RFC4: variants seen among roughly 807,000 people sequenced by gnomAD.
RFC4 encodes replication factor C subunit 4, also known as A1 37 kDa subunit.
Under a neutral mutation model 47.6 loss-of-function variants are expected in RFC4, and 38 were observed. The ratio of observed to expected loss-of-function variants is 0.80; its 90% CI spans 0.62 to 1.05. The LOEUF is 1.05. Ranked by LOEUF, RFC4 falls within the 50% of genes least tolerant of loss-of-function variation. RFC4 has a pLI of 0.00. For missense variants in RFC4, 489 were observed against 434.0 expected (o/e 1.13, Z -1.13); for synonymous variants, 164 against 150.0 (o/e 1.09, Z -0.68).
At position 186,790,123 on chromosome 3, in the gene RFC4, G is replaced by GTGCA. The variant is rs1560088907; in HGVS notation, c.996+15_996+18dup. ...AGGTAGTTAAATGTTCCATTGACAT[G>GTGCA]TGCAAAGTACCTACTTACGGCAAGT... On this transcript the variant is annotated intron_variant, in intron 10 of 10. Transcript: ENST00000296273. 1 of 1,603,150 alleles carries GTGCA rather than the reference G, an allele frequency of 6.2e-7. No homozygotes were observed. The highest frequency in any genetic ancestry group is 1.7e-5 in the Admixed American group (1 of 59,946).
rs756885229 is a variant in RFC4, at chr3:186,789,935, T to C, written c.*34A>G. ...CATTTTATTTTTATTACAACTTCATTATTTACAAAACCCCCCATCCAGATA... is the reference window on the plus strand; with the variant it reads ...CATTTTATTTTTATTACAACTTCATCATTTACAAAACCCCCCATCCAGATA... On this transcript the variant is annotated 3_prime_UTR_variant, in exon 11 of 11. Transcript: ENST00000296273. 3 of 1,313,802 alleles carry C rather than the reference T, an allele frequency of 2.3e-6. No individual in the cohort carries two copies. The highest frequency in any genetic ancestry group is 1.5e-5 in the African/African-American group (1 of 68,378). The allele number at this position is 1,313,802 out of a possible 1,614,324, so 81.4% of individuals were successfully genotyped here.
At position 186,806,447 on chromosome 3, in the gene RFC4, G is replaced by A. The variant is rs1460967400; in HGVS notation, c.-169C>T. ...TACGATCACTGATGTCCCCACAGTC[G>A]CCTCAGTTCCCGCCACGGAACGGCG... On this transcript the variant is annotated 5_prime_UTR_variant, in exon 1 of 11. Coordinates refer to ENST00000296273, the MANE Select transcript of RFC4 (RefSeq NM_002916.5). The A allele has an allele frequency of 6.6e-6, 1 of 152,242 alleles. No individual in the cohort carries two copies. The highest frequency in any genetic ancestry group is 2.4e-5 in the African/African-American group (1 of 41,464). The allele number at this position is 152,242 out of a possible 1,614,324, so 9.4% of individuals were successfully genotyped here.
At chr3:186,792,267 G>A (rs1427668089) in intron 7 of RFC4, among the ~76,000 whole-genome samples, 1 of 152,130 alleles carries the variant, frequency 6.6e-6, no homozygotes, top group Admixed American at 6.5e-5. Flanking sequence ...ATCCACCTCA[G>A]TTTCGGGTCT....
intron 3 of RFC4, among the ~76,000 whole-genome samples, 189 bp downstream of exon 3, chr3:186,800,928 C>T (rs1436695324): frequency 6.6e-6 from 1 of 152,010 alleles, no homozygotes; most frequent in Non-Finnish European, 1.5e-5. Flanking sequence ...GGTAACACTG[C>T]TATGTAAGAT....
intron 9 of RFC4, 30 bp from the exon 10 acceptor site, chr3:186,790,285 A>T: frequency 6.2e-7 from 1 of 1,611,078 alleles, no homozygotes; most frequent in Non-Finnish European, 8.5e-7. Context: ...TGGTATGATG[A>T]CTTAATATTC....
chr3:186,795,590 C>T (rs888272924), intron 4 of RFC4, among the ~76,000 whole-genome samples: 4 of 152,208 alleles, frequency 2.6e-5, no homozygotes, highest in East Asian at 3.9e-4. Context: ...GTCAGGAGTT[C>T]GAGACCAGCC....
In RFC4 at chr3:186,792,896, A is replaced by G; in HGVS notation, c.462T>C (p.Ser154=). The part of the protein sequence containing the change: ...FKIVILDEAD[S]MTSAAQAALR... ...AAGCTGCCTGAGCAGCTGAGGTCAT[A>G]GAATCTGCTTCATCCAGAATCACAA... is the stretch of plus-strand genomic sequence containing the variant. Residue 154 remains serine, a synonymous_variant, in exon 6 of 11, where the codon TCT becomes TCC. Transcript: ENST00000296273. The G allele has an allele frequency of 6.2e-7, 1 of 1,613,992 alleles. No individual in the cohort carries two copies. The highest frequency in any genetic ancestry group is 8.5e-7 in the Non-Finnish European group (1 of 1,179,894).
chr3:186,790,288 TA>T (rs766203383), intron 9 of RFC4, 33 bp from the exon 10 acceptor site: 1 of 1,610,352 alleles, frequency 6.2e-7, no homozygotes, highest in African/African-American at 1.3e-5. Flanking sequence ...TATGATGACT[TA>T]ATATTCCTTT....
intron 8 of RFC4, 136 bp downstream of exon 8, chr3:186,791,589 C>T (rs1560090380): frequency 1.3e-6 from 1 of 790,440 alleles, no homozygotes; most frequent in Non-Finnish European, 2.2e-6. Context: ...CACTCTGATA[C>T]TCCCAGGTTA....
chr3:186,795,427 C>T (rs532664014), intron 4 of RFC4, among the ~76,000 whole-genome samples: 2 of 152,316 alleles, frequency 1.3e-5, no homozygotes, highest in South Asian at 2.1e-4. Context: ...ATTTACTTCA[C>T]ATTCTTCTAT....
At position 186,789,965 on chromosome 3, in the gene RFC4, C is replaced by CACAT. The variant is rs1560088570; in HGVS notation, c.*3_*4insATGT. 6.3e-7 allele frequency: 1 copy of CACAT among 1,576,014 alleles called. No individual in the cohort carries two copies. The highest frequency in any genetic ancestry group is 2.2e-5 in the East Asian group (1 of 44,674). ...ACAAAACCCCCCATCCAGATATATT[C>CACAT]ACGTTAACAATTCTGAGATAACTGC... On this transcript the variant is annotated 3_prime_UTR_variant, in exon 11 of 11. Transcript: ENST00000296273.
intron 3 of RFC4, among the ~76,000 whole-genome samples, chr3:186,800,083 G>A (rs1295099448): frequency 6.6e-6 from 1 of 152,070 alleles, no homozygotes; most frequent in Non-Finnish European, 1.5e-5. Context: ...AGCCTCCTGA[G>A]TAGCTGGGAC....
intron 7 of RFC4, among the ~76,000 whole-genome samples, chr3:186,792,112 T>A (rs111310149): frequency 1.3e-5 from 2 of 152,190 alleles, no homozygotes; most frequent in African/African-American, 4.8e-5. Flanking sequence ...TAAAGCAAAT[T>A]CAAATTATGG....
rs763754382 is a variant in RFC4 at position 186,791,636 on chromosome 3, C to A, written c.801+89G>T. Reference sequence around the variant, plus strand: ...TTCCTAGTGCAGTACTTGGCACTTGCTAAACACCCAGTATTTGTTGGATGA... The same window carrying A: ...TTCCTAGTGCAGTACTTGGCACTTGATAAACACCCAGTATTTGTTGGATGA... On this transcript the variant is annotated intron_variant, in intron 8 of 10. Transcript: ENST00000296273. The A allele has an allele frequency of 9.4e-6, 11 of 1,171,296 alleles. No individual in the cohort carries two copies. The South Asian group carries it at 1.3e-4, about 14-fold the overall frequency. The allele number at this position is 1,171,296 out of a possible 1,614,324, so 72.6% of individuals were successfully genotyped here.
At chr3:186,794,631 T>C in intron 5 of RFC4, 27 bp downstream of exon 5, 2 of 1,607,612 alleles carry the variant, frequency 1.2e-6, no homozygotes, top group East Asian at 2.2e-5. Context: ...ATACATGCTA[T>C]GGAGGAGGGA....
rs940342732 is a variant in RFC4, at chr3:186,792,592, G to T, written c.573C>A (p.Thr191=). 9 of 1,613,710 alleles carry T rather than the reference G, an allele frequency of 5.6e-6. No individual in the cohort carries two copies. Among genetic ancestry groups the T allele is most frequent in the Non-Finnish European group, 6.8e-6 (8 of 1,179,782 alleles). Residue 191 remains threonine (T), a synonymous_variant, in exon 7 of 11, where the codon ACC becomes ACA. Transcript: ENST00000296273. ...NYVSRIIEPL[T]SRCSKFRFKP... is the part of the protein sequence containing the mutation. Reference sequence around the variant, plus strand: ...TGAAGCGGAATTTTGAACATCTAGAGGTCAGGGGTTCAATTATTCTGTGGA... The same window carrying T: ...TGAAGCGGAATTTTGAACATCTAGATGTCAGGGGTTCAATTATTCTGTGGA...
intron 4 of RFC4, among the ~76,000 whole-genome samples, chr3:186,797,304 G>T (rs953613820): frequency 6.6e-6 from 1 of 152,140 alleles, no homozygotes; most frequent in Admixed American, 6.6e-5. Context: ...AAAATCATAG[G>T]CTCCCCACAC....
Position 186,792,959 on chromosome 3 carries a change from A to C in RFC4, c.411-12T>G, listed in dbSNP as rs529534622. The C allele has an allele frequency of 3.0e-5, 49 of 1,610,240 alleles. No homozygotes were observed. The South Asian group carries it at 5.2e-4, about 17-fold the overall frequency. ...GACACGGCTTCCCACTGATTCAGAG[A>C]AACACATAAGAGTTGAACATTAATA... On this transcript the variant is annotated splice_polypyrimidine_tract_variant and intron_variant, in intron 5 of 10. Transcript: ENST00000296273.
chr3:186,790,460 C>CA, intron 8 of RFC4, 54 bp from the exon 9 acceptor site: 1 of 1,230,144 alleles, frequency 8.1e-7, no homozygotes, highest in Non-Finnish European at 1.2e-6. Flanking sequence ...ACTAGACATA[C>CA]ACTCTGCCAA....
Sources: allele counts gnomAD v4.1 joint callset (sites outside exome capture counted in the v4.1 genomes callset), GRCh38; gene constraint gnomAD v4.1.1; transcripts MANE v1.5; gene names NCBI Gene and HGNC (gene_info 2026-07-23, HGNC 2026-07-21).